Variants in PRR5 observed in about 807,000 individuals in gnomAD.
PRR5 encodes the protein proline-rich protein 5.
PRR5 carries 25 observed loss-of-function variants against 30.6 expected under a neutral mutation model. The observed-to-expected ratio is 0.82, with a 90% CI of 0.60 to 1.14. PRR5 has a LOEUF of 1.14. Among genes scored for constraint, PRR5 ranks in the 50% most tolerant of loss-of-function variants. PRR5 has a pLI of 0.00. For synonymous variants in PRR5, 286 were observed against 247.1 expected, an observed-to-expected ratio of 1.16 and a Z score of -1.48; for missense variants, 600 against 547.1, an observed-to-expected ratio of 1.10 and a Z score of -0.96.
intron 1 of PRR5, among the ~76,000 whole-genome samples, chr22:44,710,298 C>G (rs1360616389): frequency 6.6e-5 from 10 of 151,904 alleles, no homozygotes; most frequent in African/African-American, 2.4e-4. Flanking sequence ...CCCCCCCCAG[C>G]GCTCAGGAGG....
chr22:44,671,211 G>A (rs1767956782), intron 1 of PRR5, among the ~76,000 whole-genome samples: 1 of 152,210 alleles, frequency 6.6e-6, no homozygotes, highest in South Asian at 2.1e-4. Context: ...GGGGGCCGCA[G>A]GGGGCCAGCG....
At chr22:44,717,574 G>T (rs8138964) in intron 2 of PRR5, among the ~76,000 whole-genome samples, 16,808 of 152,024 alleles carry the variant, frequency 0.11, 1,247 homozygotes, top group African/African-American at 0.21. Flanking sequence ...ATTGACCACA[G>T]ACAGCTTTCT....
At chr22:44,731,891 AG>A (rs926608419) in intron 5 of PRR5, 70 bp downstream of exon 5, 4 of 1,493,670 alleles carry the variant, frequency 2.7e-6, no homozygotes, top group African/African-American at 2.8e-5. Flanking sequence ...CACTCTACAG[AG>A]GGGGGCCGCC....
At chr22:44,680,021 G>T in intron 1 of PRR5, 1 of 749,888 alleles carries the variant, frequency 1.3e-6, no homozygotes. Context: ...ACCTCAGCCT[G>T]AGTGAGTGTG....
intron 1 of PRR5, among the ~76,000 whole-genome samples, chr22:44,694,425 C>T (rs1009976384): frequency 2.6e-5 from 4 of 152,118 alleles, no homozygotes; most frequent in African/African-American, 7.2e-5. Context: ...CCCAGCTACA[C>T]GGGAGGTTGA....
chr22:44,726,364 C>T (rs566416834), intron 3 of PRR5, among the ~76,000 whole-genome samples: 3 of 152,344 alleles, frequency 2.0e-5, no homozygotes, highest in Admixed American at 1.3e-4. Context: ...GTGACCACCT[C>T]CTGTCTCGTG....
intron 4 of PRR5, among the ~76,000 whole-genome samples, chr22:44,726,848 G>C (rs1229382132): frequency 6.6e-6 from 1 of 152,198 alleles, no homozygotes; most frequent in Non-Finnish European, 1.5e-5. Flanking sequence ...ACTTGCTGGA[G>C]CCCAGGAGGG....
At chr22:44,730,176 G>A (rs1921684619) in intron 4 of PRR5, 1 of 985,354 alleles carries the variant, frequency 1.0e-6, no homozygotes, top group African/African-American at 1.7e-5. Context: ...TGGGGGCAGG[G>A]CCCAGAGAGT....
intron 4 of PRR5, chr22:44,729,927 CTT>C: frequency 1.0e-6 from 1 of 985,480 alleles, no homozygotes; most frequent in Non-Finnish European, 1.2e-6. Flanking sequence ...ACTGAAGGGA[CTT>C]TGTGTGTGGG....
At chr22:44,709,230 G>A (rs74956705) in intron 1 of PRR5, among the ~76,000 whole-genome samples, 3,680 of 152,130 alleles carry the variant, frequency 0.024, 173 homozygotes, top group African/African-American at 0.083. Flanking sequence ...CCCAAGCTCC[G>A]TGCCTCTCAG....
intron 1 of PRR5, among the ~76,000 whole-genome samples, chr22:44,685,909 G>T (rs1399915353): frequency 6.6e-6 from 1 of 152,166 alleles, no homozygotes; most frequent in Non-Finnish European, 1.5e-5. Context: ...GGCTTCCGTG[G>T]TACCATCCTT....
At chr22:44,713,842 C>T (rs935556952) in intron 1 of PRR5, among the ~76,000 whole-genome samples, 1 of 152,188 alleles carries the variant, frequency 6.6e-6, no homozygotes, top group African/African-American at 2.4e-5. Flanking sequence ...GTTGCTCTGT[C>T]GCCCAGGCTG....
intron 1 of PRR5, among the ~76,000 whole-genome samples, chr22:44,710,155 C>T (rs897810664): frequency 2.0e-5 from 3 of 152,162 alleles, no homozygotes; most frequent in African/African-American, 7.2e-5. Context: ...TCTGGACAGA[C>T]AGGGCCCCCG....
chr22:44,681,531 T>A (rs2146944742), intron 1 of PRR5, among the ~76,000 whole-genome samples: 1 of 150,398 alleles, frequency 6.6e-6, no homozygotes, highest in South Asian at 2.1e-4. Context: ...GAGGTTGCAG[T>A]GAGCCAAGAT....
intron 1 of PRR5, among the ~76,000 whole-genome samples, chr22:44,706,578 G>A (rs1406631315): frequency 6.6e-6 from 1 of 152,194 alleles, no homozygotes. Context: ...CACCCGGGCT[G>A]GAGTACAGTG....
intron 4 of PRR5, among the ~76,000 whole-genome samples, chr22:44,727,928 G>A (rs1200290843): frequency 6.6e-6 from 1 of 152,254 alleles, no homozygotes; most frequent in African/African-American, 2.4e-5. Flanking sequence ...CATCTAGACT[G>A]GCAGGACAGA....
chr22:44,728,474 G>C (rs1052099536), intron 4 of PRR5, among the ~76,000 whole-genome samples: 2 of 152,242 alleles, frequency 1.3e-5, no homozygotes, highest in Non-Finnish European at 2.9e-5. Context: ...CGGACCCGAG[G>C]GTGACAGTTG....
chr22:44,689,186 A>G (rs1925022277), intron 1 of PRR5, among the ~76,000 whole-genome samples: 2 of 152,142 alleles, frequency 1.3e-5, no homozygotes, highest in South Asian at 2.1e-4. Context: ...TGAAGACAAT[A>G]TAATAATAAC....
intron 1 of PRR5, among the ~76,000 whole-genome samples, chr22:44,692,046 G>A (rs1467916584): frequency 6.6e-6 from 1 of 152,122 alleles, no homozygotes; most frequent in Non-Finnish European, 1.5e-5. Context: ...ACTGGGAATA[G>A]TCATTCCTGC....
Sources: allele counts gnomAD v4.1 joint callset (sites outside exome capture counted in the v4.1 genomes callset), GRCh38; gene constraint gnomAD v4.1.1; transcripts MANE v1.5; gene names NCBI Gene and HGNC (gene_info 2026-07-23, HGNC 2026-07-21).